The following NEK1 variants were observed in gnomAD, a reference collection of about 807,000 sequenced individuals.
The protein encoded by NEK1 is serine/threonine-protein kinase Nek1.
NEK1 carries 137 observed loss-of-function variants against 182.1 expected under a neutral mutation model. That is an observed-to-expected ratio of 0.75 (90% CI 0.65 to 0.87). The LOEUF is 0.87. NEK1 is among the 40% of genes least tolerant of loss of function. The pLI is 0.00. For missense variants in NEK1, 1,391 were observed against 1,494.4 expected, an observed-to-expected ratio of 0.93 and a Z score of 1.14; for synonymous variants, 513 against 492.2, an observed-to-expected ratio of 1.04 and a Z score of -0.56.
chr4:169,570,144 G>A lies in NEK1; in HGVS notation c.1020+6784C>T, dbSNP rs560768628. The stretch of plus-strand genomic sequence containing the variant: ...ATGTGGGGAGCGCCTCTGCCCCGCC[G>A]CCCCGTCTGGGATGTGAGGAGCGCC... On this transcript the variant is annotated intron_variant, in intron 12 of 35. Transcript: ENST00000507142. 3.2e-3 allele frequency among the ~76,000 whole-genome samples: 447 copies of A among 140,450 alleles called. 1 individual carries two copies. Among genetic ancestry groups the A allele is most frequent in the African/African-American group, 0.011 (406 of 36,782 alleles). The allele number at this position is 140,450 out of a possible 152,430, so 92.1% of individuals were successfully genotyped here.
chr4:169,443,123 T>C (rs1739838779), intron 27 of NEK1, among the ~76,000 whole-genome samples: 1 of 151,274 alleles, frequency 6.6e-6, no homozygotes, highest in Non-Finnish European at 1.5e-5. Context: ...GAGACCAGCC[T>C]GGGCAACATG....
intron 26 of NEK1, among the ~76,000 whole-genome samples, chr4:169,468,897 T>G (rs958021278): frequency 6.6e-6 from 1 of 152,250 alleles, no homozygotes; most frequent in Non-Finnish European, 1.5e-5. Flanking sequence ...TTTACTAGTT[T>G]ATTTGCATAG....
chr4:169,458,755 G>A (rs1743378624), intron 27 of NEK1, among the ~76,000 whole-genome samples: 1 of 151,528 alleles, frequency 6.6e-6, no homozygotes, highest in Non-Finnish European at 1.5e-5. Context: ...CTGGGCCCAG[G>A]GAGGTTGAGG....
At chr4:169,437,492 C>G (rs1738634800) in intron 28 of NEK1, among the ~76,000 whole-genome samples, 1 of 152,138 alleles carries the variant, frequency 6.6e-6, no homozygotes, top group Non-Finnish European at 1.5e-5. Context: ...TCTGTTTGCC[C>G]TCCCTTTGAA....
intron 31 of NEK1, among the ~76,000 whole-genome samples, chr4:169,411,905 G>A (rs140702445): frequency 7.2e-5 from 11 of 152,316 alleles, no homozygotes; most frequent in African/African-American, 1.2e-4. Context: ...AGTAACCTCT[G>A]AGGAATACCT....
intron 12 of NEK1, among the ~76,000 whole-genome samples, chr4:169,566,514 T>C (rs1207379005): frequency 6.6e-6 from 1 of 152,138 alleles, no homozygotes; most frequent in Admixed American, 6.5e-5. Context: ...GGTGGCTTAA[T>C]GGCCACTCCT....
intron 31 of NEK1, among the ~76,000 whole-genome samples, chr4:169,422,281 G>C (rs1285886094): frequency 6.6e-6 from 1 of 152,178 alleles, no homozygotes; most frequent in African/African-American, 2.4e-5. Flanking sequence ...TGCAAAAGGG[G>C]ATAGAGAAAT....
In NEK1 at chr4:169,477,144, G is replaced by A. The variant is rs774674293; in HGVS notation, c.2414C>T (p.Thr805Ile). 6.2e-7 allele frequency: 1 copy of A among 1,601,886 alleles called. No individual in the cohort carries two copies. The highest frequency in any genetic ancestry group is 8.5e-7 in the Non-Finnish European group (1 of 1,173,070). Residue 805 changes from threonine (T) to isoleucine (I), a missense_variant, in exon 26 of 36, where the codon ACA (threonine) becomes ATA (isoleucine). By Grantham distance (89) the Thr-to-Ile change is moderately conservative. Transcript: ENST00000507142. ...CATACTTTCAGTTGTAGAGAAGGAT[G>A]TATCTAGTGTTAACTCATCCAGAGG... is the stretch of plus-strand genomic sequence containing the variant. ...VIPLDELTLDTSFSTTERHTV... is the reference protein window; with the variant it reads ...VIPLDELTLDISFSTTERHTV...
At chr4:169,507,570 A>G in intron 22 of NEK1, 145 bp downstream of exon 22, 4 of 497,180 alleles carry the variant, frequency 8.0e-6, no homozygotes, top group Non-Finnish European at 1.4e-5. Context: ...TACTATTTTT[A>G]GAAACCAAAA....
intron 23 of NEK1, among the ~76,000 whole-genome samples, chr4:169,486,920 TA>T (rs1348852186): frequency 6.6e-6 from 1 of 152,182 alleles, no homozygotes; most frequent in Non-Finnish European, 1.5e-5. Context: ...GCTACCCTTT[TA>T]AAAAACTGAA....
chr4:169,560,074 C>T (rs2149934507), intron 16 of NEK1, among the ~76,000 whole-genome samples: 1 of 152,346 alleles, frequency 6.6e-6, no homozygotes, highest in South Asian at 2.1e-4. Context: ...CATTCATCTT[C>T]TATTGCTGTA....
At position 169,424,768 on chromosome 4, in the gene NEK1, A is replaced by T. The variant is rs780952942; in HGVS notation, c.3007T>A (p.Cys1003Ser). 3.1e-6 allele frequency: 5 copies of T among 1,611,398 alleles called. No homozygotes were observed. In the African/African-American group the frequency reaches 6.7e-5, roughly 22 times the overall value. ...GGTTGCACAGACTTATCTACATCACATTTAGAGTGCTGAGAATCATTGGTT... is the reference window on the plus strand; with the variant it reads ...GGTTGCACAGACTTATCTACATCACTTTTAGAGTGCTGAGAATCATTGGTT... ...PGTNDSQHSK[C>S]DVDKSVQPEP... Residue 1003 changes from cysteine to serine, a missense_variant, in exon 31 of 36, where the codon TGT (cysteine) becomes AGT (serine). By Grantham distance (112) the Cys-to-Ser change is moderately radical. This residue lies in a region of NEK1 where 1,216 missense variants were observed against 1,277.6 expected (regional missense o/e 0.95). Transcript: ENST00000507142.
chr4:169,483,398 G>A (rs911008549), intron 23 of NEK1, among the ~76,000 whole-genome samples: 10 of 152,186 alleles, frequency 6.6e-5, no homozygotes, highest in African/African-American at 2.4e-4. Flanking sequence ...AAATGACACT[G>A]ATAGACTTGC....
intron 19 of NEK1, among the ~76,000 whole-genome samples, chr4:169,525,271 G>C (rs933539931): frequency 1.3e-5 from 2 of 152,052 alleles, no homozygotes; most frequent in African/African-American, 4.8e-5. Context: ...TAGAATTACA[G>C]GCACGCACCA....
chr4:169,495,111 A>C (rs1750928172), intron 23 of NEK1, among the ~76,000 whole-genome samples: 1 of 151,760 alleles, frequency 6.6e-6, no homozygotes, highest in Non-Finnish European at 1.5e-5. Context: ...CCCATTTGTC[A>C]ATTTTGGCTT....
chr4:169,507,905 T>G (rs943674315), intron 21 of NEK1, 113 bp from the exon 22 acceptor site: 18 of 815,856 alleles, frequency 2.2e-5, no homozygotes, highest in Non-Finnish European at 3.5e-5. Context: ...AAAATGGAAA[T>G]CATTTAATGC....
At chr4:169,481,392 T>C (rs1015029678) in intron 23 of NEK1, among the ~76,000 whole-genome samples, 5 of 152,204 alleles carry the variant, frequency 3.3e-5, no homozygotes, top group African/African-American at 7.2e-5. Flanking sequence ...AGAGGAACCA[T>C]TATCTATGGC....
chr4:169,601,939 AG>A, intron 4 of NEK1, 68 bp downstream of exon 4: 1 of 1,081,026 alleles, frequency 9.3e-7, no homozygotes, highest in Non-Finnish European at 1.4e-6. Flanking sequence ...CTTTTTCCTA[AG>A]AATGCATTCA....
chr4:169,509,061 T>C (rs1224013126), intron 19 of NEK1, among the ~76,000 whole-genome samples: 12 of 152,130 alleles, frequency 7.9e-5, no homozygotes, highest in Admixed American at 7.2e-4. Context: ...GCCCCAAACA[T>C]AATTATTCAA....
Sources: gnomAD v4.1 joint callset for allele counts (sites outside exome capture counted in the v4.1 genomes callset) on GRCh38, gnomAD v4.1.1 for gene constraint, gnomAD v4.1.1 regional missense constraint, MANE v1.5 for transcripts, NCBI Gene and HGNC (gene_info 2026-07-23, HGNC 2026-07-21) for gene names.